The following FAM107B variants were observed in gnomAD, a reference collection of about 807,000 sequenced individuals.
The protein encoded by FAM107B is family with sequence similarity 107 member B.
FAM107B carries 21 observed loss-of-function variants against 31.5 expected under a neutral mutation model. The observed-to-expected ratio is 0.67, with a 90% confidence interval of 0.47 to 0.96. The LOEUF is 0.96. Among genes scored for constraint, FAM107B ranks in the 40% least tolerant of loss-of-function variants. FAM107B has a pLI of 0.00. For synonymous variants in FAM107B, 157 were observed against 141.5 expected (o/e 1.11, Z -0.78); for missense variants, 452 against 377.1 (o/e 1.20, Z -1.64).
At chr10:14,767,024 G>GTATGTATATATATATATA (rs1554757993) in intron 1 of FAM107B, among the ~76,000 whole-genome samples, 1 of 16,240 alleles carries the variant, frequency 6.2e-5, no homozygotes, top group Non-Finnish European at 2.3e-4. Context: ...TGATGTGTAT[G>GTATGTATATATATATATA]TATATATATA....
Position 14,706,079 on chromosome 10 carries a change from A to G in FAM107B, c.412-38388T>C, listed in dbSNP as rs544305044. Among the ~76,000 whole-genome samples the G allele has an allele frequency of 4.5e-4, 69 of 152,364 alleles. No individual in the cohort carries two copies. In the South Asian group the frequency reaches 0.013, roughly 30 times the overall value. Reference sequence around the variant, plus strand: ...CCAGACCACTACAACTCTGTTGAACAGAGGATTGGCCTGATAAACATTCTT... The same window carrying G: ...CCAGACCACTACAACTCTGTTGAACGGAGGATTGGCCTGATAAACATTCTT... On this transcript the variant is annotated intron_variant, in intron 1 of 4. Transcript: ENST00000181796.
intron 1 of FAM107B, among the ~76,000 whole-genome samples, chr10:14,716,044 C>A (rs1385228686): frequency 6.6e-6 from 1 of 152,174 alleles, no homozygotes; most frequent in African/African-American, 2.4e-5. Context: ...ATATATACTT[C>A]TACAGATATT....
intron 2 of FAM107B, chr10:14,553,271 T>A (rs1588564897): frequency 9.4e-7 from 1 of 1,069,402 alleles, no homozygotes; most frequent in African/African-American, 1.7e-5. Context: ...TACATCATGA[T>A]GAAAGCTGAG....
At chr10:14,720,214 T>C (rs762810832) in intron 1 of FAM107B, among the ~76,000 whole-genome samples, 1 of 152,194 alleles carries the variant, frequency 6.6e-6, no homozygotes, top group African/African-American at 2.4e-5. Context: ...CCCTTCCAAC[T>C]GGTACTCCTG....
intron 1 of FAM107B, among the ~76,000 whole-genome samples, chr10:14,704,105 C>T (rs953275387): frequency 1.3e-5 from 2 of 152,176 alleles, no homozygotes; most frequent in African/African-American, 4.8e-5. Flanking sequence ...TAGGAGCCAC[C>T]TTCTATGCTC....
At chr10:14,665,845 T>C (rs1054247800) in intron 2 of FAM107B, among the ~76,000 whole-genome samples, 2 of 152,226 alleles carry the variant, frequency 1.3e-5, no homozygotes. Context: ...TATAGATATC[T>C]TCACATGATT....
At chr10:14,742,487 G>T (rs1832636995) in intron 1 of FAM107B, among the ~76,000 whole-genome samples, 1 of 152,186 alleles carries the variant, frequency 6.6e-6, no homozygotes, top group African/African-American at 2.4e-5. Flanking sequence ...TGGGCTTACT[G>T]AGATCAGCAA....
At chr10:14,592,945 A>G (rs1852067934) in intron 2 of FAM107B, among the ~76,000 whole-genome samples, 1 of 152,186 alleles carries the variant, frequency 6.6e-6, no homozygotes, top group Non-Finnish European at 1.5e-5. Flanking sequence ...CTTCCAGCTC[A>G]AGTCGTGAGG....
intron 2 of FAM107B, among the ~76,000 whole-genome samples, chr10:14,634,075 T>C (rs139864039): frequency 6.0e-4 from 92 of 152,292 alleles, no homozygotes; most frequent in African/African-American, 2.1e-3. Context: ...GACATTGTTA[T>C]TGATTTTTAA....
At chr10:14,642,609 T>C (rs1444763513) in intron 2 of FAM107B, among the ~76,000 whole-genome samples, 2 of 141,694 alleles carry the variant, frequency 1.4e-5, no homozygotes, top group Non-Finnish European at 3.1e-5. Flanking sequence ...GGCCATGACC[T>C]TGGTGTTTTT....
intron 2 of FAM107B, among the ~76,000 whole-genome samples, chr10:14,648,196 C>T (rs1853808253): frequency 6.6e-6 from 1 of 152,114 alleles, no homozygotes; most frequent in Non-Finnish European, 1.5e-5. Context: ...TAACCAGGAG[C>T]AAAATAGGCC....
chr10:14,705,341 G>A (rs950479364), intron 1 of FAM107B, among the ~76,000 whole-genome samples: 2 of 152,138 alleles, frequency 1.3e-5, no homozygotes, highest in Admixed American at 6.5e-5. Context: ...TACCCTATGA[G>A]CCAGCAATTA....
intron 2 of FAM107B, chr10:14,548,513 C>T: frequency 1.0e-6 from 1 of 985,476 alleles, no homozygotes; most frequent in Non-Finnish European, 1.2e-6. Context: ...CCCAGGGCTG[C>T]TTCATCGCTT....
In FAM107B at chr10:14,691,758, G is replaced by A. The variant is rs373784974; in HGVS notation, c.412-24067C>T. ...AAATACAAAAAATTAGCCAGGCATG[G>A]TGGCAGGTGGCTATAATCCCAGCTA... On this transcript the variant is annotated intron_variant, in intron 1 of 4. Transcript: ENST00000181796. Among the ~76,000 whole-genome samples, 464 of 152,128 alleles carry A rather than the reference G, an allele frequency of 3.1e-3. 6 individuals carry two copies. Among genetic ancestry groups the A allele is most frequent in the African/African-American group, 9.7e-3 (401 of 41,482 alleles).
intron 1 of FAM107B, among the ~76,000 whole-genome samples, chr10:14,695,323 ATATCTGGGCTCTC>A (rs1855239710): frequency 6.6e-6 from 1 of 152,094 alleles, no homozygotes; most frequent in African/African-American, 2.4e-5. Flanking sequence ...GTTTGGATTT[ATATCTGGGCTCTC>A]TATTCTGTTC....
chr10:14,667,246 A>T (rs1854425208), intron 2 of FAM107B, among the ~76,000 whole-genome samples: 1 of 152,032 alleles, frequency 6.6e-6, no homozygotes. Context: ...ACACAAACAT[A>T]AAAAAAACCC....
At chr10:14,611,092 T>C (rs968507211) in intron 2 of FAM107B, among the ~76,000 whole-genome samples, 10 of 152,230 alleles carry the variant, frequency 6.6e-5, no homozygotes, top group Non-Finnish European at 1.3e-4. Context: ...ATCTGCATTT[T>C]ACGTTTTTTT....
Position 14,633,439 on chromosome 10 carries a change from C to A in FAM107B, c.469+34195G>T, listed in dbSNP as rs553954031. Among the ~76,000 whole-genome samples the A allele has an allele frequency of 2.6e-5, 4 of 152,296 alleles. No homozygotes were observed. In the East Asian group the frequency reaches 5.8e-4, roughly 22 times the overall value. On this transcript the variant is annotated intron_variant, in intron 2 of 4. Transcript: ENST00000181796. ...GGAAAACTTAATCAACCTAATACTG[C>A]AGAAGGTGTTCCAAGATCTTCTAGT...
At chr10:14,668,312 G>C (rs578224303) in intron 1 of FAM107B, among the ~76,000 whole-genome samples, 1 of 152,206 alleles carries the variant, frequency 6.6e-6, no homozygotes, top group African/African-American at 2.4e-5. Context: ...CAAAGTGCTG[G>C]GGTTCCAGGA....
Sources: allele counts gnomAD v4.1 joint callset (sites outside exome capture counted in the v4.1 genomes callset), GRCh38; gene constraint gnomAD v4.1.1; transcripts MANE v1.5; gene names NCBI Gene and HGNC (gene_info 2026-07-23, HGNC 2026-07-21).